Variants in RGS7 observed in about 807,000 individuals in gnomAD.
The protein encoded by RGS7 is regulator of G-protein signaling 7.
A neutral mutation model predicts 81.1 loss-of-function variants in RGS7; 27 were observed. That is an observed-to-expected ratio of 0.33 (90% CI 0.25 to 0.46). RGS7 has a LOEUF of 0.46. Among genes scored for constraint, RGS7 ranks in the 20% least tolerant of loss-of-function variants. RGS7 has a pLI of 1.00. For synonymous variants in RGS7, 208 were observed against 207.7 expected (o/e 1.00, Z -0.01); for missense variants, 396 against 607.4 (o/e 0.65, Z 3.66).
At chr1:241,159,112 T>C (rs547682500) in intron 2 of RGS7, among the ~76,000 whole-genome samples, 17 of 152,352 alleles carry the variant, frequency 1.1e-4, no homozygotes, top group Non-Finnish European at 1.9e-4. Context: ...ATAAATGTTT[T>C]TTATCTTTTA....
chr1:240,870,063 A>C lies in RGS7; in HGVS notation c.442T>G (p.Tyr148Asp). 6.2e-7 allele frequency: 1 copy of C among 1,614,056 alleles called. No homozygotes were observed. Among genetic ancestry groups the C allele is most frequent in the Non-Finnish European group, 8.5e-7 (1 of 1,179,920 alleles). Residue 148 changes from tyrosine (Y) to aspartate (D), a missense_variant, in exon 7 of 19, where the codon TAT becomes GAT. Tyr to Asp is a radical substitution (Grantham distance 160, BLOSUM62 -3). Coordinates refer to ENST00000440928, the MANE Select transcript of RGS7 (RefSeq NM_001364886.1). ...AGGTCCTTGGTACTTACAGCCTCAT[A>C]GTCTGCGAGCTCCAGTCGTGCCTTG... ...QNKARLELAD[Y>D]EAESLARLQR...
intron 4 of RGS7, among the ~76,000 whole-genome samples, chr1:240,954,571 T>C (rs113995263): frequency 0.049 from 7,486 of 151,722 alleles, 323 homozygotes; most frequent in Admixed American, 0.13. Flanking sequence ...AAAAAAACTC[T>C]TAGCAATCTA....
chr1:241,003,149 C>T (rs780054622), intron 3 of RGS7, among the ~76,000 whole-genome samples: 1 of 152,088 alleles, frequency 6.6e-6, no homozygotes, highest in Admixed American at 6.6e-5. Context: ...TTTATCATTG[C>T]TTATAATGAC....
chr1:240,960,343 A>C (rs955234875), intron 4 of RGS7, among the ~76,000 whole-genome samples: 16 of 149,434 alleles, frequency 1.1e-4, no homozygotes, highest in Non-Finnish European at 1.9e-4. Context: ...TCCTGGGCTC[A>C]AGCCATCCTC....
intron 5 of RGS7, among the ~76,000 whole-genome samples, chr1:240,932,974 C>T (rs1675849784): frequency 1.4e-5 from 2 of 146,786 alleles, no homozygotes; most frequent in South Asian, 2.2e-4. Context: ...AGCTCCGCCT[C>T]CCGGGTTCAC....
At chr1:241,084,273 T>C (rs141686945) in intron 3 of RGS7, among the ~76,000 whole-genome samples, 1 of 152,330 alleles carries the variant, frequency 6.6e-6, no homozygotes, top group Non-Finnish European at 1.5e-5. Flanking sequence ...ATTGTGACAT[T>C]TAAGGTCAAC....
chr1:241,221,059 G>GAAAGAAAGAAAGAAAGAAAGAA (rs1464041994), intron 2 of RGS7, among the ~76,000 whole-genome samples: 1 of 130,930 alleles, frequency 7.6e-6, no homozygotes, highest in African/African-American at 2.9e-5. Context: ...AAGAAAGAAA[G>GAAAGAAAGAAAGAAAGAAAGAA]AGAGAGAGAG....
intron 3 of RGS7, among the ~76,000 whole-genome samples, chr1:241,029,019 G>A (rs1478305216): frequency 2.0e-5 from 3 of 152,132 alleles, no homozygotes; most frequent in Non-Finnish European, 2.9e-5. Context: ...TTGGACCAAC[G>A]TGGGCAGGCG....
At chr1:240,814,330 G>A (rs1265694973) in intron 12 of RGS7, among the ~76,000 whole-genome samples, 1 of 152,192 alleles carries the variant, frequency 6.6e-6, no homozygotes, top group Admixed American at 6.5e-5. Flanking sequence ...AGTCAGGCAG[G>A]AACAGTGTCA....
chr1:240,958,884 C>G (rs1480960277), intron 4 of RGS7, among the ~76,000 whole-genome samples: 1 of 152,178 alleles, frequency 6.6e-6, no homozygotes, highest in Non-Finnish European at 1.5e-5. Context: ...TGCCTGATAT[C>G]TTTTACTGTA....
chr1:241,259,875 T>C (rs149370926), intron 2 of RGS7, among the ~76,000 whole-genome samples: 2 of 151,826 alleles, frequency 1.3e-5, no homozygotes, highest in African/African-American at 4.8e-5. Flanking sequence ...TTATAAAATA[T>C]TAGTAGTAAA....
At chr1:240,957,593 G>A (rs1194396292) in intron 4 of RGS7, among the ~76,000 whole-genome samples, 6 of 152,158 alleles carry the variant, frequency 3.9e-5, no homozygotes, top group Non-Finnish European at 1.5e-5. Context: ...GGAACCCTGG[G>A]ACAGGAAAAA....
intron 3 of RGS7, among the ~76,000 whole-genome samples, chr1:241,031,031 T>C (rs1020585166): frequency 6.6e-6 from 1 of 152,202 alleles, no homozygotes; most frequent in Admixed American, 6.5e-5. Context: ...ATATATTGCA[T>C]AGTGGTGAAG....
Position 241,268,395 on chromosome 1 carries a change from T to A in RGS7, c.78+87304A>T, listed in dbSNP as rs371495584. Among the ~76,000 whole-genome samples the A allele has an allele frequency of 3.3e-5, 5 of 152,270 alleles. No individual in the cohort carries two copies. In the East Asian group the frequency reaches 7.7e-4, roughly 24 times the overall value. Reference sequence around the variant, plus strand: ...GGTGCATCGTAGGACGTTTAGCAGATCTCTGGCCTCTACCCACTACACGCC... The same window carrying A: ...GGTGCATCGTAGGACGTTTAGCAGAACTCTGGCCTCTACCCACTACACGCC... On this transcript the variant is annotated intron_variant, in intron 2 of 18. Transcript: ENST00000440928.
At chr1:241,223,658 C>G (rs1010040123) in intron 2 of RGS7, among the ~76,000 whole-genome samples, 20 of 151,772 alleles carry the variant, frequency 1.3e-4, no homozygotes, top group African/African-American at 1.9e-4. Flanking sequence ...GAGGAATTAG[C>G]CTGTTCTCCC....
chr1:240,814,610 C>T, intron 12 of RGS7, 106 bp downstream of exon 12: 1 of 749,118 alleles, frequency 1.3e-6, no homozygotes, highest in Admixed American at 2.0e-5. Context: ...TACAGGATTC[C>T]AATTATCTGT....
At chr1:241,216,344 C>T (rs959362812) in intron 2 of RGS7, among the ~76,000 whole-genome samples, 23 of 151,900 alleles carry the variant, frequency 1.5e-4, no homozygotes, top group South Asian at 4.2e-4. Flanking sequence ...TAAAACATGG[C>T]GTTTCATCTT....
intron 3 of RGS7, among the ~76,000 whole-genome samples, chr1:241,001,413 TAAATAGTA>T (rs1688127025): frequency 1.3e-5 from 2 of 152,162 alleles, no homozygotes; most frequent in South Asian, 2.1e-4. Context: ...ATAGTAAGGA[TAAATAGTA>T]AAATAGTAAG....
intron 2 of RGS7, among the ~76,000 whole-genome samples, chr1:241,217,736 T>C (rs913488076): frequency 2.0e-4 from 31 of 152,254 alleles, no homozygotes; most frequent in African/African-American, 7.2e-4. Flanking sequence ...TAACTATGTA[T>C]GTGTTAAGCA....
Sources: gnomAD v4.1 joint callset for allele counts (sites outside exome capture counted in the v4.1 genomes callset) on GRCh38, gnomAD v4.1.1 for gene constraint, MANE v1.5 for transcripts, NCBI Gene and HGNC (gene_info 2026-07-23, HGNC 2026-07-21) for gene names.